TP53BP1: variants seen among roughly 807,000 people sequenced by gnomAD.
TP53BP1 encodes the protein TP53-binding protein 1.
TP53BP1 carries 61 observed loss-of-function variants against 200.8 expected under a neutral mutation model. The observed-to-expected ratio is 0.30, with a 90% confidence interval of 0.25 to 0.38. TP53BP1 has a LOEUF of 0.38. Ranked by LOEUF, TP53BP1 falls within the 10% of genes least tolerant of loss-of-function variation. TP53BP1 has a pLI of 1.00. For synonymous variants in TP53BP1, 822 were observed against 844.3 expected (o/e 0.97, Z 0.46); for missense variants, 2,144 against 2,371.9 (o/e 0.90, Z 2.00).
intron 1 of TP53BP1, among the ~76,000 whole-genome samples, chr15:43,499,627 A>G (rs2079199483): frequency 1.3e-5 from 2 of 152,224 alleles, no homozygotes; most frequent in South Asian, 4.1e-4. Context: ...CAAGAATAGC[A>G]GTAATGCATC....
intron 27 of TP53BP1, 150 bp from the exon 28 acceptor site, chr15:43,407,720 G>A (rs1566910596): frequency 2.4e-6 from 2 of 830,522 alleles, no homozygotes; most frequent in East Asian, 2.7e-5. Context: ...ATGACCAAAG[G>A]CAGAGTTATA....
chr15:43,509,134 G>T (rs1207369786), intron 1 of TP53BP1, among the ~76,000 whole-genome samples: 1 of 134,020 alleles, frequency 7.5e-6, no homozygotes, highest in African/African-American at 2.8e-5. Flanking sequence ...ACTGATTGCA[G>T]AAGAGGAGGC....
At position 43,405,466 on chromosome 15, in the gene TP53BP1, A is replaced by T. The variant is rs977473104; in HGVS notation, c.*1917T>A. Reference sequence around the variant, plus strand: ...CCTTTACATTGAGAACATTTGTTGGATATGTTCATTTATTCAATAGTCATT... The same window carrying T: ...CCTTTACATTGAGAACATTTGTTGGTTATGTTCATTTATTCAATAGTCATT... On this transcript the variant is annotated 3_prime_UTR_variant, in exon 28 of 28. Coordinates refer to ENST00000382044, the MANE Select transcript of TP53BP1 (RefSeq NM_001141980.3). 1 of 564,462 alleles carries T rather than the reference A, an allele frequency of 1.8e-6. No homozygotes were observed. The highest frequency in any genetic ancestry group is 1.9e-5 in the African/African-American group (1 of 53,220). 35.0% of individuals were successfully genotyped at this position (564,462 alleles called of 1,614,324 possible).
intron 18 of TP53BP1, among the ~76,000 whole-genome samples, chr15:43,427,448 G>C (rs369430152): frequency 1.3e-5 from 2 of 152,170 alleles, no homozygotes; most frequent in East Asian, 3.8e-4. Flanking sequence ...AGATTTATCA[G>C]TCTGTTCTTT....
intron 12 of TP53BP1, among the ~76,000 whole-genome samples, chr15:43,447,954 C>A (rs1316802240): frequency 6.6e-6 from 1 of 152,176 alleles, no homozygotes; most frequent in Admixed American, 6.5e-5. Flanking sequence ...GAAGTTAATA[C>A]TTATAATGTA....
chr15:43,466,250 C>A (rs962607792), intron 11 of TP53BP1, among the ~76,000 whole-genome samples: 1 of 152,106 alleles, frequency 6.6e-6, no homozygotes, highest in African/African-American at 2.4e-5. Context: ...GGCAACAGTA[C>A]AGATTAGAAA....
chr15:43,498,535 A>AAG (rs956805908), intron 1 of TP53BP1, among the ~76,000 whole-genome samples: 9 of 151,710 alleles, frequency 5.9e-5, no homozygotes, highest in Admixed American at 3.3e-4. Context: ...TCCAAAGAGA[A>AAG]AGAGAGAGAG....
At chr15:43,450,960 C>T (rs931472041) in intron 12 of TP53BP1, among the ~76,000 whole-genome samples, 6 of 152,280 alleles carry the variant, frequency 3.9e-5, no homozygotes, top group South Asian at 2.1e-4. Flanking sequence ...CTACAACCTC[C>T]GCCTCCCGAG....
At chr15:43,454,204 T>C (rs1016537788) in intron 12 of TP53BP1, among the ~76,000 whole-genome samples, 1 of 151,070 alleles carries the variant, frequency 6.6e-6, no homozygotes, top group Admixed American at 6.6e-5. Context: ...ACTCCACATC[T>C]CAAAAAAAAG....
intron 1 of TP53BP1, among the ~76,000 whole-genome samples, chr15:43,500,790 C>T (rs557470421): frequency 6.6e-6 from 1 of 152,220 alleles, no homozygotes; most frequent in East Asian, 1.9e-4. Flanking sequence ...TGCTGCACTC[C>T]AGCCTGGGCG....
At chr15:43,486,468 T>C (rs1207870259) in intron 4 of TP53BP1, among the ~76,000 whole-genome samples, 1 of 152,202 alleles carries the variant, frequency 6.6e-6, no homozygotes, top group Admixed American at 6.5e-5. Flanking sequence ...ACTTTACATA[T>C]AAAACACATT....
At chr15:43,508,640 T>C (rs936851549) in intron 1 of TP53BP1, among the ~76,000 whole-genome samples, 1 of 152,144 alleles carries the variant, frequency 6.6e-6, no homozygotes, top group Non-Finnish European at 1.5e-5. Flanking sequence ...TCTAAATATA[T>C]ATACGTATAT....
At chr15:43,500,876 A>AC (rs1309407744) in intron 1 of TP53BP1, among the ~76,000 whole-genome samples, 1 of 151,726 alleles carries the variant, frequency 6.6e-6, no homozygotes, top group Non-Finnish European at 1.5e-5. Context: ...CCGTCAACAC[A>AC]CCCAAAGAAA....
At chr15:43,438,271 A>G in intron 16 of TP53BP1, 53 bp downstream of exon 16, 2 of 1,521,798 alleles carry the variant, frequency 1.3e-6, no homozygotes. Context: ...TTTGGGCACT[A>G]ACCATTTTGT....
upstream of TP53BP1, among the ~76,000 whole-genome samples, chr15:43,495,532 C>A (rs35673208): frequency 1.4e-5 from 2 of 141,804 alleles, no homozygotes; most frequent in African/African-American, 2.7e-5. Context: ...CACACACACA[C>A]AAAAGCCAGG....
At chr15:43,481,934 T>C (rs1046536791) in intron 4 of TP53BP1, among the ~76,000 whole-genome samples, 2 of 150,392 alleles carry the variant, frequency 1.3e-5, no homozygotes, top group East Asian at 4.0e-4. Context: ...ATTTTTAAAA[T>C]AAGTTAACAC....
At position 43,438,367 on chromosome 15, in the gene TP53BP1, C is replaced by T. The variant is rs770769274; in HGVS notation, c.3148G>A (p.Glu1050Lys). 4 of 1,613,790 alleles carry T rather than the reference C, an allele frequency of 2.5e-6. No individual in the cohort carries two copies. The African/African-American group carries it at 4.0e-5, about 16-fold the overall frequency. The change falls in exon 16 of 28, where the codon GAG (glutamate) becomes AAG (lysine). Residue 1050 changes from glutamate to lysine, a missense_variant. Glu to Lys is a moderately conservative substitution (Grantham distance 56). Transcript: ENST00000382044. ...VLSCICEARQ[E>K]NEARSEDPPT... ...GGATCCTCACTTCGAGCCTCATTCT[C>T]TTGCCTGGCTTCACAGATACAGCTC...
At position 43,415,796 on chromosome 15, in the gene TP53BP1, T is replaced by C; in HGVS notation, c.4887A>G (p.Glu1629=). The change falls in exon 23 of 28, where the codon GAA becomes GAG. Residue 1629 remains glutamate (E), a synonymous_variant. Coordinates refer to ENST00000382044, the MANE Select transcript of TP53BP1 (RefSeq NM_001141980.3). ...CGTTACTGCGCCGTTTCCGCTTCCC[T>C]TCCACCAAATTGTCTATGGCAGGAT... ...AADISLDNLV[E]GKRKRRSNVS... is the part of the protein sequence containing the mutation. 1 of 1,613,992 alleles carries C rather than the reference T, an allele frequency of 6.2e-7. No homozygotes were observed. Among genetic ancestry groups the C allele is most frequent in the Middle Eastern group, 1.6e-4 (1 of 6,062 alleles).
At chr15:43,493,508 GGA>G (rs756183518), upstream of TP53BP1, among the ~76,000 whole-genome samples, 11 of 152,140 alleles carry the variant, frequency 7.2e-5, no homozygotes, top group African/African-American at 9.7e-5. Flanking sequence ...TCCTGGAAAA[GGA>G]GAGAGTTTCC....
Sources: gnomAD v4.1 joint callset for allele counts (sites outside exome capture counted in the v4.1 genomes callset) on GRCh38, gnomAD v4.1.1 for gene constraint, MANE v1.5 for transcripts, NCBI Gene and HGNC (gene_info 2026-07-23, HGNC 2026-07-21) for gene names.